Variants in CNTNAP4 observed in about 807,000 individuals in gnomAD.
CNTNAP4 encodes the protein contactin associated protein family member 4, also known as contactin-associated protein-like 4.
Under a neutral mutation model 148.4 loss-of-function variants are expected in CNTNAP4, and 98 were observed. The ratio of observed to expected loss-of-function variants is 0.66; its 90% CI spans 0.56 to 0.78. The LOEUF (loss-of-function observed/expected upper bound fraction) is 0.78. Ranked by LOEUF, CNTNAP4 falls within the 30% of genes least tolerant of loss-of-function variation. CNTNAP4 has a pLI of 0.00. For synonymous variants in CNTNAP4, 730 were observed against 565.1 expected, an observed-to-expected ratio of 1.29 and a Z score of -4.14; for missense variants, 1,935 against 1,565.6, an observed-to-expected ratio of 1.24 and a Z score of -3.98.
intron 1 of CNTNAP4, among the ~76,000 whole-genome samples, chr16:76,294,613 G>A (rs1481586600): frequency 6.6e-6 from 1 of 152,084 alleles, no homozygotes; most frequent in Admixed American, 6.6e-5. Context: ...TACATTCCTT[G>A]GATAGTTTTG....
At chr16:76,393,158 AC>A (rs1453721352) in intron 3 of CNTNAP4, among the ~76,000 whole-genome samples, 1 of 151,766 alleles carries the variant, frequency 6.6e-6, no homozygotes, top group Admixed American at 6.6e-5. Flanking sequence ...AAACCAACAA[AC>A]CCCTATCTAG....
rs1182453239 is a variant in CNTNAP4, at chr16:76,505,930, A to G, written c.2365+7236A>G. On this transcript the variant is annotated intron_variant, in intron 15 of 23. Coordinates refer to ENST00000611870, the MANE Select transcript of CNTNAP4 (RefSeq NM_033401.5). ...AAACAAAATTGGGTCATCAAAACAAACAGAGAAACAACCGACCACTAGAAG... is the reference window on the plus strand; with the variant it reads ...AAACAAAATTGGGTCATCAAAACAAGCAGAGAAACAACCGACCACTAGAAG... Among the ~76,000 whole-genome samples, 2 of 97,548 alleles carry G rather than the reference A, an allele frequency of 2.1e-5. 1 individual carries two copies. The highest frequency in any genetic ancestry group is 5.8e-5 in the Non-Finnish European group (2 of 34,290). The allele number at this position is 97,548 out of a possible 152,430, so 64.0% of individuals were successfully genotyped here.
intron 2 of CNTNAP4, among the ~76,000 whole-genome samples, chr16:76,323,967 A>G (rs1018088527): frequency 1.3e-5 from 2 of 152,210 alleles, no homozygotes; most frequent in African/African-American, 4.8e-5. Context: ...GAGGATCTCT[A>G]AATTCTATGA....
At chr16:76,436,045 G>T (rs960796216) in intron 4 of CNTNAP4, among the ~76,000 whole-genome samples, 1 of 152,158 alleles carries the variant, frequency 6.6e-6, no homozygotes, top group South Asian at 2.1e-4. Context: ...ACCTCTAGGG[G>T]CCCGCCAGGA....
intron 4 of CNTNAP4, among the ~76,000 whole-genome samples, chr16:76,434,099 G>T (rs2079720418): frequency 6.7e-6 from 1 of 148,528 alleles, no homozygotes; most frequent in South Asian, 2.1e-4. Context: ...TATCTAATAA[G>T]ATACATTTGT....
chr16:76,334,875 C>A (rs1963883790), intron 2 of CNTNAP4, among the ~76,000 whole-genome samples: 4 of 151,984 alleles, frequency 2.6e-5, no homozygotes, highest in Admixed American at 1.3e-4. Flanking sequence ...GCAAAACACT[C>A]AACCTTTCCA....
Position 76,406,618 on chromosome 16 carries a change from A to G in CNTNAP4, c.391-20834A>G, listed in dbSNP as rs572697410. On this transcript the variant is annotated intron_variant, in intron 3 of 23. Transcript: ENST00000611870. ...TGAAGAGAATAAAAAGTGCTACTTC[A>G]GTGAACACATGAATGATAAGAAAGT... 3.3e-5 allele frequency among the ~76,000 whole-genome samples: 5 copies of G among 152,310 alleles called. No individual in the cohort carries two copies. The South Asian group carries it at 1.0e-3, about 32-fold the overall frequency.
At chr16:76,366,505 G>A (rs2014152296) in intron 3 of CNTNAP4, among the ~76,000 whole-genome samples, 1 of 152,168 alleles carries the variant, frequency 6.6e-6, no homozygotes, top group African/African-American at 2.4e-5. Context: ...TGATGCATAT[G>A]TATCACATTT....
chr16:76,408,520 C>G (rs1431255518), intron 3 of CNTNAP4, among the ~76,000 whole-genome samples: 1 of 151,938 alleles, frequency 6.6e-6, no homozygotes, highest in African/African-American at 2.4e-5. Context: ...GCCTTTTCTC[C>G]CCCGTGCAAC....
intron 2 of CNTNAP4, among the ~76,000 whole-genome samples, chr16:76,341,498 A>G (rs1178795630): frequency 6.6e-6 from 1 of 152,238 alleles, no homozygotes; most frequent in South Asian, 2.1e-4. Flanking sequence ...ACTTCTATAC[A>G]GTATTACTGA....
intron 2 of CNTNAP4, among the ~76,000 whole-genome samples, chr16:76,353,786 C>T (rs943999022): frequency 6.6e-6 from 1 of 152,144 alleles, no homozygotes; most frequent in Admixed American, 6.5e-5. Flanking sequence ...GAGTTCTGCC[C>T]TTCATCTATC....
At chr16:76,442,653 C>A (rs72797049) in intron 4 of CNTNAP4, among the ~76,000 whole-genome samples, 2 of 151,954 alleles carry the variant, frequency 1.3e-5, no homozygotes, top group Non-Finnish European at 2.9e-5. Flanking sequence ...TAGCAACACA[C>A]TCTTGCAAGA....
At chr16:76,310,768 A>G (rs1226707064) in intron 1 of CNTNAP4, among the ~76,000 whole-genome samples, 2 of 152,144 alleles carry the variant, frequency 1.3e-5, no homozygotes, top group Non-Finnish European at 2.9e-5. Flanking sequence ...AGTGGCAACT[A>G]AGCTGAATAC....
chr16:76,393,094 T>G (rs1016341530), intron 3 of CNTNAP4, among the ~76,000 whole-genome samples: 1 of 152,240 alleles, frequency 6.6e-6, no homozygotes, highest in African/African-American at 2.4e-5. Context: ...TGAACATGAC[T>G]CTTACAGATT....
intron 18 of CNTNAP4, among the ~76,000 whole-genome samples, chr16:76,537,545 G>A (rs891774994): frequency 3.3e-5 from 5 of 152,090 alleles, no homozygotes; most frequent in East Asian, 1.9e-4. Flanking sequence ...TTTAAAAGAG[G>A]TTGGTTAGTT....
In CNTNAP4 at chr16:76,504,920, T is replaced by C. The variant is rs567248540; in HGVS notation, c.2365+6226T>C. ...CCACAATGTGATACCAATATGTAACTGTTAACATTTAACAAATAATAATAA... is the reference window on the plus strand; with the variant it reads ...CCACAATGTGATACCAATATGTAACCGTTAACATTTAACAAATAATAATAA... On this transcript the variant is annotated intron_variant, in intron 15 of 23. Transcript: ENST00000611870. Among the ~76,000 whole-genome samples the C allele has an allele frequency of 4.6e-5, 7 of 152,278 alleles. No individual in the cohort carries two copies. The South Asian group carries it at 1.4e-3, about 32-fold the overall frequency.
At chr16:76,290,662 T>C (rs944845348) in intron 1 of CNTNAP4, among the ~76,000 whole-genome samples, 4 of 152,184 alleles carry the variant, frequency 2.6e-5, no homozygotes, top group African/African-American at 9.7e-5. Context: ...TTCTGCAAGA[T>C]TGCAGCACTG....
chr16:76,286,884 A>G (rs148550754), intron 1 of CNTNAP4, among the ~76,000 whole-genome samples: 3 of 152,312 alleles, frequency 2.0e-5, no homozygotes, highest in African/African-American at 7.2e-5. Flanking sequence ...TTAAAAGAAC[A>G]TTGCTAAAAT....
chr16:76,289,803 T>C (rs2143817715), intron 1 of CNTNAP4, among the ~76,000 whole-genome samples: 1 of 152,180 alleles, frequency 6.6e-6, no homozygotes, highest in Admixed American at 6.5e-5. Flanking sequence ...ACTGCTGGAC[T>C]CAAGTGATCC....
Sources: allele counts gnomAD v4.1 joint callset (sites outside exome capture counted in the v4.1 genomes callset), GRCh38; gene constraint gnomAD v4.1.1; transcripts MANE v1.5; gene names NCBI Gene and HGNC (gene_info 2026-07-23, HGNC 2026-07-21).